Variants in THSD4 observed in about 807,000 individuals in gnomAD.
THSD4 encodes the protein thrombospondin type-1 domain-containing protein 4.
A neutral mutation model predicts 119.0 loss-of-function variants in THSD4; 69 were observed. That is an observed-to-expected ratio of 0.58 (90% CI 0.48 to 0.71). THSD4 has a LOEUF of 0.71. THSD4 is among the 30% of genes least tolerant of loss of function. The pLI is 0.00. For synonymous variants in THSD4, 524 were observed against 540.4 expected (o/e 0.97, Z 0.42); for missense variants, 1,393 against 1,391.1 (o/e 1.00, Z -0.02).
At chr15:71,290,188 G>A (rs895039470) in intron 6 of THSD4, among the ~76,000 whole-genome samples, 1 of 152,182 alleles carries the variant, frequency 6.6e-6, no homozygotes, top group Non-Finnish European at 1.5e-5. Context: ...GGGCAACAGT[G>A]TATGAGACAT....
At chr15:71,111,399 C>CA (rs763260934), upstream of THSD4, 3 of 1,611,340 alleles carry the variant, frequency 1.9e-6, no homozygotes, top group African/African-American at 1.3e-5. Context: ...CACAGGAACT[C>CA]AGACTGTAGG....
chr15:71,397,006 G>A (rs1032604965), intron 6 of THSD4, among the ~76,000 whole-genome samples: 1 of 152,226 alleles, frequency 6.6e-6, no homozygotes, highest in Non-Finnish European at 1.5e-5. Context: ...GGTTTTAAGT[G>A]TGCAGGATGC....
At chr15:71,490,300 C>T (rs144599175) in intron 7 of THSD4, among the ~76,000 whole-genome samples, 3,436 of 152,196 alleles carry the variant, frequency 0.023, 126 homozygotes, top group African/African-American at 0.079. Context: ...GTGGCTCACA[C>T]CTGTAATCCC....
intron 6 of THSD4, among the ~76,000 whole-genome samples, chr15:71,289,748 C>T (rs998860166): frequency 6.6e-6 from 1 of 152,146 alleles, no homozygotes; most frequent in Non-Finnish European, 1.5e-5. Flanking sequence ...TCACCTGATG[C>T]CTTCTCAACC....
At chr15:71,172,371 T>C (rs1040808501) in intron 3 of THSD4, among the ~76,000 whole-genome samples, 4 of 151,898 alleles carry the variant, frequency 2.6e-5, no homozygotes, top group Admixed American at 6.6e-5. Context: ...ATGTATGATG[T>C]TTATGGTTCA....
intron 6 of THSD4, among the ~76,000 whole-genome samples, chr15:71,408,131 A>G (rs1003374239): frequency 2.0e-5 from 3 of 151,850 alleles, no homozygotes; most frequent in Non-Finnish European, 4.4e-5. Flanking sequence ...CTTAGAGAAG[A>G]GTCTCCTGGC....
intron 6 of THSD4, among the ~76,000 whole-genome samples, chr15:71,374,375 G>A (rs945199138): frequency 2.6e-5 from 4 of 152,198 alleles, no homozygotes; most frequent in African/African-American, 9.7e-5. Context: ...AGCTGGATAA[G>A]AGAGAGATCA....
chr15:71,330,077 G>A (rs1389920678), intron 6 of THSD4, among the ~76,000 whole-genome samples: 1 of 148,008 alleles, frequency 6.8e-6, no homozygotes, highest in African/African-American at 2.6e-5. Context: ...GCAAGACCTC[G>A]TCTCCAAAGG....
chr15:71,342,818 C>G (rs1287227531), intron 6 of THSD4: 1 of 152,210 alleles, frequency 6.6e-6, no homozygotes, highest in Admixed American at 6.5e-5. Context: ...TCTTTTGAGG[C>G]TGTGTGTGCC....
intron 7 of THSD4, among the ~76,000 whole-genome samples, chr15:71,575,226 C>G (rs2049428365): frequency 6.6e-6 from 1 of 152,130 alleles, no homozygotes; most frequent in Admixed American, 6.5e-5. Context: ...TTTCTCTCTT[C>G]AAGTTGTCTG....
intron 6 of THSD4, among the ~76,000 whole-genome samples, chr15:71,266,947 G>C (rs971760890): frequency 6.6e-6 from 1 of 152,084 alleles, no homozygotes; most frequent in Non-Finnish European, 1.5e-5. Context: ...AAGCCTCCAA[G>C]AAATATGGGA....
chr15:71,671,411 A>G (rs935089445), intron 8 of THSD4, among the ~76,000 whole-genome samples: 3 of 152,186 alleles, frequency 2.0e-5, no homozygotes, highest in African/African-American at 4.8e-5. Flanking sequence ...TAGATTGGAA[A>G]AATTTTTTCC....
At chr15:71,755,610 T>C (rs977133644) in intron 14 of THSD4, among the ~76,000 whole-genome samples, 1 of 146,436 alleles carries the variant, frequency 6.8e-6, no homozygotes, top group African/African-American at 2.5e-5. Context: ...ATGCAACTGA[T>C]ATTCATGGAT....
At chr15:71,356,914 C>T (rs2045821806) in intron 6 of THSD4, among the ~76,000 whole-genome samples, 1 of 152,202 alleles carries the variant, frequency 6.6e-6, no homozygotes. Context: ...AACGACAGCG[C>T]ACAGGGTGAT....
intron 1 of THSD4, among the ~76,000 whole-genome samples, chr15:71,116,670 T>C (rs1161545232): frequency 1.3e-5 from 2 of 152,108 alleles, no homozygotes; most frequent in Non-Finnish European, 2.9e-5. Flanking sequence ...AATTTGGAAT[T>C]AGAGAAATAG....
intron 8 of THSD4, among the ~76,000 whole-genome samples, chr15:71,673,023 C>T (rs2051564571): frequency 6.6e-6 from 1 of 152,146 alleles, no homozygotes; most frequent in African/African-American, 2.4e-5. Context: ...AAGGAATATT[C>T]CCTCTCTTTC....
chr15:71,438,438 T>G (rs923519064), intron 7 of THSD4, among the ~76,000 whole-genome samples: 1 of 152,254 alleles, frequency 6.6e-6, no homozygotes, highest in Non-Finnish European at 1.5e-5. Flanking sequence ...AGTTTGAAGT[T>G]ATTAAGAAAT....
intron 7 of THSD4, among the ~76,000 whole-genome samples, chr15:71,632,340 G>C (rs1229733974): frequency 6.6e-6 from 1 of 152,176 alleles, no homozygotes; most frequent in East Asian, 1.9e-4. Flanking sequence ...CCCTCCTGAT[G>C]ACTGTATGAC....
chr15:71,286,605 A>G (rs1490008308), intron 6 of THSD4, among the ~76,000 whole-genome samples: 1 of 152,214 alleles, frequency 6.6e-6, no homozygotes, highest in Non-Finnish European at 1.5e-5. Context: ...TAGTGCTGCA[A>G]TGAACATATG....
Sources: gnomAD v4.1 joint callset for allele counts (sites outside exome capture counted in the v4.1 genomes callset) on GRCh38, gnomAD v4.1.1 for gene constraint, MANE v1.5 for transcripts, NCBI Gene and HGNC (gene_info 2026-07-23, HGNC 2026-07-21) for gene names.